The following ST7 variants were observed in gnomAD, a reference collection of about 807,000 sequenced individuals.
ST7 encodes suppression of tumorigenicity 7, also known as suppressor of tumorigenicity 7 protein.
Under a neutral mutation model 78.7 loss-of-function variants are expected in ST7, and 28 were observed. That is an observed-to-expected ratio of 0.36 (90% CI 0.26 to 0.49). ST7 has a LOEUF of 0.49. ST7 is among the 20% of genes least tolerant of loss of function. The pLI is 0.99. For missense variants in ST7, 418 were observed against 696.0 expected (o/e 0.60, Z 4.49); for synonymous variants, 247 against 249.6 (o/e 0.99, Z 0.10).
intron 9 of ST7, among the ~76,000 whole-genome samples, chr7:117,155,404 A>G (rs905438584): frequency 5.9e-5 from 9 of 152,200 alleles, no homozygotes; most frequent in Non-Finnish European, 1.3e-4. Context: ...AATGTATACA[A>G]CAGAGGAGGG....
At chr7:117,030,738 G>A (rs1471606485) in intron 1 of ST7, among the ~76,000 whole-genome samples, 2 of 152,172 alleles carry the variant, frequency 1.3e-5, no homozygotes, top group African/African-American at 4.8e-5. Flanking sequence ...ACTGCTGGTG[G>A]AAGTGTAAAT....
At chr7:117,150,213 C>T (rs752984518) in intron 9 of ST7, among the ~76,000 whole-genome samples, 1 of 152,152 alleles carries the variant, frequency 6.6e-6, no homozygotes, top group Non-Finnish European at 1.5e-5. Context: ...CAGTCTTGTT[C>T]TCTGGCTTCT....
chr7:117,112,029 T>C (rs1245851754), intron 2 of ST7, among the ~76,000 whole-genome samples: 1 of 152,098 alleles, frequency 6.6e-6, no homozygotes, highest in East Asian at 1.9e-4. Flanking sequence ...CACATTTTAA[T>C]AGGATACAGG....
chr7:117,129,959 G>A (rs1033398079), intron 4 of ST7, 112 bp downstream of exon 4: 102 of 720,354 alleles, frequency 1.4e-4, no homozygotes, highest in South Asian at 2.3e-4. Flanking sequence ...TATGTAGTGC[G>A]TCCATTTTTT....
chr7:117,115,791 T>A (rs752935627), intron 2 of ST7, among the ~76,000 whole-genome samples: 6 of 152,184 alleles, frequency 3.9e-5, no homozygotes, highest in Admixed American at 1.3e-4. Flanking sequence ...CTCTTTTTCA[T>A]AAAAAACAAA....
At chr7:117,033,797 A>G (rs1349515764) in intron 1 of ST7, among the ~76,000 whole-genome samples, 1 of 152,098 alleles carries the variant, frequency 6.6e-6, no homozygotes, top group Non-Finnish European at 1.5e-5. Context: ...CATGCTCTGG[A>G]GTCAGTCAAT....
chr7:117,201,963 T>TGAGAGATCTCGGG (rs1445267073), intron 12 of ST7, among the ~76,000 whole-genome samples: 1 of 76,020 alleles, frequency 1.3e-5, no homozygotes, highest in African/African-American at 4.3e-5. Flanking sequence ...GAAGCTATCT[T>TGAGAGATCTCGGG]TTTTTTTTTT....
chr7:117,185,396 C>G (rs1035211931), intron 10 of ST7, among the ~76,000 whole-genome samples: 35 of 152,186 alleles, frequency 2.3e-4, no homozygotes, highest in Admixed American at 1.8e-3. Flanking sequence ...GCTAAAAAAA[C>G]AGTTACTGCA....
At chr7:116,994,400 A>G (rs1192356140) in intron 1 of ST7, among the ~76,000 whole-genome samples, 1 of 152,244 alleles carries the variant, frequency 6.6e-6, no homozygotes, top group Non-Finnish European at 1.5e-5. Flanking sequence ...ATTCAAAGAC[A>G]TCTTTCCAAA....
chr7:117,162,126 T>C (rs866564445), intron 9 of ST7, among the ~76,000 whole-genome samples: 1 of 152,158 alleles, frequency 6.6e-6, no homozygotes, highest in African/African-American at 2.4e-5. Flanking sequence ...TAATTTGCTC[T>C]CATTTTTATG....
chr7:117,148,313 A>G (rs1805972085), intron 9 of ST7, among the ~76,000 whole-genome samples: 1 of 152,206 alleles, frequency 6.6e-6, no homozygotes, highest in African/African-American at 2.4e-5. Context: ...TATGTTAAGA[A>G]TACCTACTCT....
At chr7:117,143,707 C>A (rs972680610) in intron 9 of ST7, among the ~76,000 whole-genome samples, 1 of 152,144 alleles carries the variant, frequency 6.6e-6, no homozygotes, top group Non-Finnish European at 1.5e-5. Context: ...GCCCAGGGTG[C>A]TAGTTTAGTA....
chr7:117,130,378 C>T, intron 4 of ST7, 113 bp from the exon 5 acceptor site: 1 of 612,006 alleles, frequency 1.6e-6, no homozygotes, highest in Non-Finnish European at 2.7e-6. Context: ...ATTAGCAAAG[C>T]TATTTTAGTA....
intron 2 of ST7, 101 bp from the exon 3 acceptor site, chr7:117,119,460 A>G: frequency 2.7e-6 from 3 of 1,124,328 alleles, no homozygotes; most frequent in Admixed American, 2.8e-5. Context: ...AATAAAATAT[A>G]CTTAAGGTGG....
chr7:117,081,892 T>TGAGA lies in ST7; in HGVS notation c.152-17852_152-17849dup, dbSNP rs142782899. On this transcript the variant is annotated intron_variant, in intron 1 of 15. Transcript: ENST00000323984. Reference sequence around the variant, plus strand: ...GAGACAGACAGAGAGAAATAGAGATTGAGAGAGAGAGAGAGAGAGAGGCAA... The same window carrying TGAGA: ...GAGACAGACAGAGAGAAATAGAGATTGAGAGAGAGAGAGAGAGAGAGAGAGGCAA... Among the ~76,000 whole-genome samples the TGAGA allele has an allele frequency of 8.4e-3, 1,236 of 147,060 alleles. 7 individuals are homozygous for TGAGA. Among genetic ancestry groups the TGAGA allele is most frequent in the Non-Finnish European group, 0.012 (799 of 66,190 alleles).
intron 2 of ST7, 34 bp downstream of exon 2, chr7:117,099,878 G>T: frequency 6.5e-7 from 1 of 1,536,474 alleles, no homozygotes. Context: ...TTAAAAACAT[G>T]CTGATTAGTA....
At chr7:117,044,613 G>T (rs889977251) in intron 1 of ST7, among the ~76,000 whole-genome samples, 2 of 152,104 alleles carry the variant, frequency 1.3e-5, no homozygotes, top group Non-Finnish European at 2.9e-5. Context: ...GGCCCCTAAG[G>T]TAGGGGTTTT....
At chr7:116,979,489 A>G (rs1170597567) in intron 1 of ST7, among the ~76,000 whole-genome samples, 1 of 152,194 alleles carries the variant, frequency 6.6e-6, no homozygotes, top group Admixed American at 6.5e-5. Flanking sequence ...TCACTAAGGC[A>G]TAGGTTACTA....
intron 1 of ST7, among the ~76,000 whole-genome samples, chr7:116,980,232 A>G (rs1005498388): frequency 1.3e-5 from 2 of 152,148 alleles, no homozygotes; most frequent in East Asian, 1.9e-4. Flanking sequence ...TGCTGGGATT[A>G]TAGCCATGAG....
Sources: allele counts gnomAD v4.1 joint callset (sites outside exome capture counted in the v4.1 genomes callset), GRCh38; gene constraint gnomAD v4.1.1; transcripts MANE v1.5; gene names NCBI Gene and HGNC (gene_info 2026-07-23, HGNC 2026-07-21).